Variants in PCDHGB3 observed in about 807,000 individuals in gnomAD.
The protein encoded by PCDHGB3 is protocadherin gamma subfamily B, 3.
In PCDHGB3, 40 loss-of-function variants were observed where a neutral mutation model predicts 59.2. The ratio of observed to expected loss-of-function variants is 0.68; its 90% confidence interval spans 0.52 to 0.88. The LOEUF is 0.88. Ranked by LOEUF, PCDHGB3 falls within the 40% of genes least tolerant of loss-of-function variation. PCDHGB3 has a pLI of 0.00. For missense variants in PCDHGB3, 1,309 were observed against 1,187.9 expected (o/e 1.10, Z -1.50); for synonymous variants, 581 against 503.6 (o/e 1.15, Z -2.06).
In PCDHGB3 at chr5:141,430,383, GAA is replaced by G. The variant is rs139772145; in HGVS notation, c.2415+57586_2415+57587del. Among the ~76,000 whole-genome samples the G allele has an allele frequency of 1.3e-3, 180 of 138,574 alleles. 1 individual carries two copies. Among genetic ancestry groups the G allele is most frequent in the African/African-American group, 4.5e-3 (169 of 37,858 alleles). 90.9% of individuals were successfully genotyped at this position (138,574 alleles called of 152,430 possible). A position where few individuals can be genotyped will look rare whatever the true frequency, so the allele number is the denominator to read the frequency against. On this transcript the variant is annotated intron_variant, in intron 1 of 3. Coordinates refer to ENST00000576222, the MANE Select transcript of PCDHGB3 (RefSeq NM_018924.5). ...CATTGGGGAAAAAAAAGCTCATTGG[GAA>G]AAAAAAAAAAAGCTCACTAAAGTTT...
Position 141,489,802 on chromosome 5 carries a change from G to A in PCDHGB3, c.2416-5005G>A, listed in dbSNP as rs2099692541. On this transcript the variant is annotated intron_variant, in intron 1 of 3. Transcript: ENST00000576222. The surrounding 1 kb of genome is among the most constrained non-coding windows in gnomAD (Gnocchi z 4.5). ...TCTGAATGTGAAGACCCTAAAAGAT[G>A]GGAAGCCATTCCCAGAGCTGGTGCT... is the stretch of plus-strand genomic sequence containing the variant. 6.2e-7 allele frequency: 1 copy of A among 1,614,042 alleles called. No homozygotes were observed. The highest frequency in any genetic ancestry group is 1.1e-5 in the South Asian group (1 of 91,088).
intron 1 of PCDHGB3, among the ~76,000 whole-genome samples, chr5:141,449,134 T>C (rs538592980): frequency 9.2e-4 from 140 of 152,242 alleles, no homozygotes; most frequent in Non-Finnish European, 1.8e-3. Context: ...AGAAATGGAA[T>C]TGAAATTGCT....
At chr5:141,494,644 G>A in intron 1 of PCDHGB3, 163 bp from the exon 2 acceptor site, 1 of 933,684 alleles carries the variant, frequency 1.1e-6, no homozygotes. Flanking sequence ...TGAGACCTGA[G>A]GTGTATTTTG....
At chr5:141,448,730 G>A (rs1419700194) in intron 1 of PCDHGB3, among the ~76,000 whole-genome samples, 1 of 152,072 alleles carries the variant, frequency 6.6e-6, no homozygotes, top group African/African-American at 2.4e-5. Context: ...CACGAGGTCA[G>A]GAGATCGAGA....
At position 141,389,566 on chromosome 5, in the gene PCDHGB3, T is replaced by A. The variant is rs757362223; in HGVS notation, c.2415+16757T>A. On this transcript the variant is annotated intron_variant, in intron 1 of 3. Transcript: ENST00000576222. ...CGCAACGACAATGCGCCACGGGTGC[T>A]GTACCCCGCGCTGGGTCCCGACGGC... The A allele has an allele frequency of 3.2e-5, 52 of 1,613,278 alleles. No homozygotes were observed. The Middle Eastern group carries it at 6.6e-4, about 21-fold the overall frequency.
At chr5:141,418,877 G>T in intron 1 of PCDHGB3, 1 of 1,613,960 alleles carries the variant, frequency 6.2e-7, no homozygotes, top group Non-Finnish European at 8.5e-7. Context: ...AGTTGTAGAC[G>T]AAAACGACAA....
At chr5:141,438,591 C>CATATATATAT (rs946798767) in intron 1 of PCDHGB3, among the ~76,000 whole-genome samples, 17 of 75,552 alleles carry the variant, frequency 2.3e-4, no homozygotes, top group Non-Finnish European at 3.8e-4. Context: ...TACATACATA[C>CATATATATAT]ATATATATAT....
At position 141,432,412 on chromosome 5, in the gene PCDHGB3, C is replaced by G. The variant is rs773688197; in HGVS notation, c.2415+59603C>G. 1.9e-6 allele frequency: 3 copies of G among 1,614,246 alleles called. No individual in the cohort carries two copies. The highest frequency in any genetic ancestry group is 2.2e-5 in the East Asian group (1 of 44,882). ...GCAGCAACGTGTCGTTGAGCCTGTT[C>G]GTGCTGGACCAGAACGACAATGCGC... On this transcript the variant is annotated intron_variant, in intron 1 of 3. Transcript: ENST00000576222. This position sits in a 1 kb window ranked among gnomAD's most constrained non-coding sequence, Gnocchi z 6.0.
At chr5:141,419,327 TC>T (rs774592605) in intron 1 of PCDHGB3, 1 of 1,613,856 alleles carries the variant, frequency 6.2e-7, no homozygotes, top group Non-Finnish European at 8.5e-7. Flanking sequence ...TGTCTCCTAC[TC>T]TCTCATTGCC....
chr5:141,445,120 AT>A (rs1287463110), intron 1 of PCDHGB3, among the ~76,000 whole-genome samples: 1 of 152,228 alleles, frequency 6.6e-6, no homozygotes, highest in African/African-American at 2.4e-5. Flanking sequence ...TGTAAATAGT[AT>A]TTTTAAAATT....
At chr5:141,381,496 A>G (rs139374379) in intron 1 of PCDHGB3, among the ~76,000 whole-genome samples, 67 of 152,346 alleles carry the variant, frequency 4.4e-4, no homozygotes, top group African/African-American at 1.4e-3. Flanking sequence ...TCTCAATTAC[A>G]CTAGAATAGA....
rs562011010 is a variant in PCDHGB3, at chr5:141,427,600, G to A, written c.2415+54791G>A. On this transcript the variant is annotated intron_variant, in intron 1 of 3. Coordinates refer to ENST00000576222, the MANE Select transcript of PCDHGB3 (RefSeq NM_018924.5). ...TCATCCAGCACAAGCCTCACCCTAC[G>A]CATTGGTGAAGTCAACGACAATGCT... The A allele has an allele frequency of 6.7e-5, 46 of 683,296 alleles. 1 individual carries two copies. The East Asian group carries it at 1.2e-3, about 18-fold the overall frequency. 42.3% of individuals were successfully genotyped at this position (683,296 alleles called of 1,614,324 possible). A position where few individuals can be genotyped will look rare whatever the true frequency, so the allele number is the denominator to read the frequency against.
chr5:141,401,272 G>A (rs998700154), intron 1 of PCDHGB3, among the ~76,000 whole-genome samples: 1 of 152,172 alleles, frequency 6.6e-6, no homozygotes. Flanking sequence ...AACCTGGCAG[G>A]TGGAGGTTGC....
chr5:141,376,178 G>A (rs1249141559), intron 1 of PCDHGB3: 1 of 1,614,106 alleles, frequency 6.2e-7, no homozygotes, highest in Non-Finnish European at 8.5e-7. Context: ...GGCGGTGGCC[G>A]CGGTCTCCTG....
At chr5:141,433,097 G>A (rs777101945) in intron 1 of PCDHGB3, 11 of 1,614,044 alleles carry the variant, frequency 6.8e-6, no homozygotes, top group Admixed American at 3.3e-5. Flanking sequence ...AGACATGCTC[G>A]TCAGCCAGGA....
At position 141,371,950 on chromosome 5, in the gene PCDHGB3, C is replaced by T. The variant is rs749822569; in HGVS notation, c.1556C>T (p.Ala519Val). The stretch of plus-strand genomic sequence containing the variant: ...AGCGGGGTGGTGTTCGCGCAGCGAG[C>T]CTTCGACCACGAGCAGCTGCGTGCC... ...ARSGVVFAQR[A>V]FDHEQLRAFE... Residue 519 changes from alanine to valine, a missense_variant, in exon 1 of 4, where the codon GCC becomes GTC. Physicochemically the swap from Ala to Val is moderately conservative, Grantham distance 64 (BLOSUM62 0). Coordinates refer to ENST00000576222, the MANE Select transcript of PCDHGB3 (RefSeq NM_018924.5). 1.2e-6 allele frequency: 2 copies of T among 1,613,286 alleles called. No individual in the cohort carries two copies. The highest frequency in any genetic ancestry group is 1.7e-6 in the Non-Finnish European group (2 of 1,179,876).
In PCDHGB3 at chr5:141,418,416, C is replaced by G. The variant is rs377542164; in HGVS notation, c.2415+45607C>G. The G allele has an allele frequency of 2.9e-5, 46 of 1,613,866 alleles. No homozygotes were observed. Among genetic ancestry groups the G allele is most frequent in the Non-Finnish European group, 3.4e-5 (40 of 1,179,880 alleles). ...TTCTCATTGGTGGAGAAAGACAATC[C>G]TGATGGTGGCAAATATCCAGAATTA... On this transcript the variant is annotated intron_variant, in intron 1 of 3. Transcript: ENST00000576222.
intron 1 of PCDHGB3, chr5:141,384,091 A>G: frequency 3.1e-6 from 5 of 1,595,856 alleles, no homozygotes; most frequent in South Asian, 1.1e-5. Flanking sequence ...AGAAAAATCA[A>G]TAGATAATTA....
intron 1 of PCDHGB3, among the ~76,000 whole-genome samples, chr5:141,438,591 CATATAT>C (rs946798767): frequency 1.2e-3 from 91 of 75,538 alleles, no homozygotes; most frequent in Non-Finnish European, 1.7e-3. Flanking sequence ...TACATACATA[CATATAT>C]ATATATATAT....
Sources: gnomAD v4.1 joint callset for allele counts (sites outside exome capture counted in the v4.1 genomes callset) on GRCh38, gnomAD v4.1.1 for gene constraint, Gnocchi (gnomAD v3.1) non-coding constraint, MANE v1.5 for transcripts, NCBI Gene and HGNC (gene_info 2026-07-23, HGNC 2026-07-21) for gene names.